The following PSME4 variants were observed in gnomAD, a reference collection of about 807,000 sequenced individuals.
PSME4 encodes the protein proteasome activator subunit 4.
PSME4 carries 89 observed loss-of-function variants against 253.9 expected under a neutral mutation model. The observed-to-expected ratio is 0.35, with a 90% CI of 0.30 to 0.42. PSME4 has a LOEUF of 0.42. Among genes scored for constraint, PSME4 ranks in the 10% least tolerant of loss-of-function variants. PSME4 has a pLI of 1.00. For missense variants in PSME4, 2,014 were observed against 2,195.2 expected, an observed-to-expected ratio of 0.92 and a Z score of 1.65; for synonymous variants, 851 against 759.2, an observed-to-expected ratio of 1.12 and a Z score of -1.99.
intron 20 of PSME4, among the ~76,000 whole-genome samples, chr2:53,911,589 T>TC (rs1296251521): frequency 1.3e-5 from 2 of 148,710 alleles, no homozygotes; most frequent in African/African-American, 4.9e-5. Flanking sequence ...GTTCCCACCC[T>TC]CCCCCCGCCC....
At position 53,927,384 on chromosome 2, in the gene PSME4, A is replaced by G. The variant is rs1303655556; in HGVS notation, c.1593+10T>C. On this transcript the variant is annotated intron_variant, in intron 12 of 46. Coordinates refer to ENST00000404125, the MANE Select transcript of PSME4 (RefSeq NM_014614.3). Reference sequence around the variant, plus strand: ...ATCTTAGCCCTTTTATAACCATAAAATACCCTTACTTCTGTGAGGTCATTT... The same window carrying G: ...ATCTTAGCCCTTTTATAACCATAAAGTACCCTTACTTCTGTGAGGTCATTT... The G allele has an allele frequency of 5.9e-6, 9 of 1,526,338 alleles. No individual in the cohort carries two copies. Among genetic ancestry groups the G allele is most frequent in the Non-Finnish European group, 8.2e-6 (9 of 1,100,346 alleles). The allele number at this position is 1,526,338 out of a possible 1,614,324, so 94.5% of individuals were successfully genotyped here.
chr2:53,919,789 T>C (rs2104450212), intron 19 of PSME4, among the ~76,000 whole-genome samples: 1 of 152,246 alleles, frequency 6.6e-6, no homozygotes, highest in East Asian at 1.9e-4. Context: ...CAAATACTTA[T>C]TTCTTGTTAA....
At chr2:53,872,494 A>G (rs781236185) in intron 43 of PSME4, among the ~76,000 whole-genome samples, 5 of 152,154 alleles carry the variant, frequency 3.3e-5, no homozygotes, top group African/African-American at 7.2e-5. Context: ...ATATAAAAAT[A>G]ATTTATAAGG....
intron 17 of PSME4, among the ~76,000 whole-genome samples, chr2:53,921,395 C>T (rs1028884873): frequency 1.4e-4 from 21 of 151,510 alleles, no homozygotes; most frequent in African/African-American, 3.1e-4. Context: ...TACAGGTACA[C>T]GCCACCATGC....
intron 45 of PSME4, 131 bp downstream of exon 45, chr2:53,866,616 C>G: frequency 1.1e-5 from 11 of 961,796 alleles, no homozygotes; most frequent in Non-Finnish European, 1.6e-5. Flanking sequence ...TACTGGTGAG[C>G]AGACTAAGCC....
rs1209103978 is a variant in PSME4 at position 53,970,736 on chromosome 2, C to T, written c.49G>A (p.Gly17Arg). Residue 17 changes from glycine (G) to arginine (R), a missense_variant, in exon 1 of 47, where the codon GGG (glycine) becomes AGG (arginine). Gly to Arg is a moderately radical substitution (Grantham distance 125). Transcript: ENST00000404125. ...AGVGEPPEPG[G>R]RPEPGPRGFV... is the part of the protein sequence containing the mutation. ...CCCCGCGGGCCCGGCTCGGGACGCC[C>T]GCCCGGCTCCGGGGGCTCTCCGACT... is the stretch of plus-strand genomic sequence containing the variant. 6.5e-7 allele frequency: 1 copy of T among 1,547,156 alleles called. No homozygotes were observed. Among genetic ancestry groups the T allele is most frequent in the East Asian group, 2.5e-5 (1 of 40,812 alleles).
intron 1 of PSME4, among the ~76,000 whole-genome samples, chr2:53,951,553 A>G (rs968731875): frequency 3.9e-5 from 6 of 152,216 alleles, no homozygotes; most frequent in Non-Finnish European, 8.8e-5. Context: ...TAGTACTATG[A>G]GACCAGCAAA....
chr2:53,896,700 T>C, intron 32 of PSME4, 104 bp downstream of exon 32: 1 of 801,380 alleles, frequency 1.2e-6, no homozygotes, highest in Non-Finnish European at 2.1e-6. Context: ...TGTGTTAATA[T>C]CCATAGAACA....
intron 6 of PSME4, 43 bp from the exon 7 acceptor site, chr2:53,936,204 A>C: frequency 6.2e-7 from 1 of 1,609,718 alleles, no homozygotes; most frequent in African/African-American, 1.3e-5. Flanking sequence ...ATTTGTTGTT[A>C]TTGTTTAAGT....
intron 1 of PSME4, among the ~76,000 whole-genome samples, chr2:53,962,227 A>C (rs1163185932): frequency 6.6e-6 from 1 of 152,210 alleles, no homozygotes; most frequent in African/African-American, 2.4e-5. Context: ...GTTACTATTT[A>C]TTCCTAATTA....
chr2:53,958,184 A>C (rs1670319767), intron 1 of PSME4, among the ~76,000 whole-genome samples: 1 of 117,256 alleles, frequency 8.5e-6, no homozygotes, highest in Non-Finnish European at 1.9e-5. Context: ...AGACTCTGTC[A>C]AAAAAAAAAA....
chr2:53,908,088 G>A, intron 24 of PSME4: 1 of 462,336 alleles, frequency 2.2e-6, no homozygotes, highest in Non-Finnish European at 3.8e-6. Context: ...AATTCCCATT[G>A]AGAGTTTAGA....
intron 1 of PSME4, among the ~76,000 whole-genome samples, chr2:53,955,531 C>T (rs1386929593): frequency 3.9e-5 from 6 of 152,032 alleles, no homozygotes; most frequent in Admixed American, 2.6e-4. Context: ...TTTCAAATAA[C>T]CTTTAGTAGA....
At chr2:53,921,584 G>C (rs1257182735) in intron 17 of PSME4, among the ~76,000 whole-genome samples, 2 of 147,748 alleles carry the variant, frequency 1.4e-5, no homozygotes, top group Non-Finnish European at 3.0e-5. Flanking sequence ...GAAAACTGAA[G>C]TTGGCCGGGC....
Position 53,895,076 on chromosome 2 carries a change from C to A in PSME4, c.3843G>T (p.Lys1281Asn). ...CCACACCAGCATAAACAACCATATT[C>A]CTATATAGTAAGAGTTCATATTTAT... ...KTHWGYYTWP[K>N]NMVVYAGVEE... The change falls in exon 34 of 47, where the codon AAG becomes AAT. Residue 1281 changes from lysine to asparagine, a missense_variant and splice_region_variant. By Grantham distance (94) the Lys-to-Asn change is moderately conservative (BLOSUM62 0). Transcript: ENST00000404125. 6.2e-7 allele frequency: 1 copy of A among 1,606,800 alleles called. No individual in the cohort carries two copies. Among genetic ancestry groups the A allele is most frequent in the South Asian group, 1.1e-5 (1 of 89,752 alleles).
intron 1 of PSME4, among the ~76,000 whole-genome samples, chr2:53,969,096 AC>A (rs1670891578): frequency 6.6e-6 from 1 of 152,178 alleles, no homozygotes; most frequent in African/African-American, 2.4e-5. Context: ...CAACACAAAA[AC>A]CTAGGAGTCT....
At chr2:53,915,677 TACAC>T (rs1214610262) in intron 20 of PSME4, among the ~76,000 whole-genome samples, 1 of 152,162 alleles carries the variant, frequency 6.6e-6, no homozygotes, top group African/African-American at 2.4e-5. Flanking sequence ...AGACTACTAA[TACAC>T]ACACGGCAAT....
At chr2:53,906,565 G>A (rs1680668174) in intron 26 of PSME4, 33 bp downstream of exon 26, 3 of 1,494,120 alleles carry the variant, frequency 2.0e-6, no homozygotes, top group Non-Finnish European at 2.7e-6. Context: ...AAAATGGGAG[G>A]GCATGAGAGT....
chr2:53,912,520 C>T (rs769759134), intron 20 of PSME4, among the ~76,000 whole-genome samples: 3 of 152,162 alleles, frequency 2.0e-5, no homozygotes, highest in East Asian at 1.9e-4. Context: ...TGCAATGGTA[C>T]GATCATGGCT....
Sources: allele counts gnomAD v4.1 joint callset (sites outside exome capture counted in the v4.1 genomes callset), GRCh38; gene constraint gnomAD v4.1.1; transcripts MANE v1.5; gene names NCBI Gene and HGNC (gene_info 2026-07-23, HGNC 2026-07-21).